The following NRXN3 variants were observed in gnomAD, a reference collection of about 807,000 sequenced individuals.
NRXN3 encodes neurexin 3.
Under a neutral mutation model 137.6 loss-of-function variants are expected in NRXN3, and 32 were observed. The ratio of observed to expected loss-of-function variants is 0.23; its 90% CI spans 0.18 to 0.31. The LOEUF (loss-of-function observed/expected upper bound fraction) is 0.31, where lower values mean the gene tolerates loss of function less well. NRXN3 is among the 10% of genes least tolerant of loss of function. The pLI is 1.00. For synonymous variants in NRXN3, 798 were observed against 784.5 expected, an observed-to-expected ratio of 1.02 and a Z score of -0.29; for missense variants, 1,574 against 2,062.5, an observed-to-expected ratio of 0.76 and a Z score of 4.59.
intron 19 of NRXN3, among the ~76,000 whole-genome samples, chr14:79,707,719 G>C (rs890338351): frequency 2.0e-5 from 3 of 151,918 alleles, no homozygotes; most frequent in African/African-American, 7.3e-5. Flanking sequence ...AGCTTCCTTG[G>C]GCCTATGCTC....
At chr14:78,861,054 T>C (rs1316432488) in intron 10 of NRXN3, among the ~76,000 whole-genome samples, 5 of 151,698 alleles carry the variant, frequency 3.3e-5, no homozygotes, top group Non-Finnish European at 7.4e-5. Context: ...TCGTTATATA[T>C]GTGTATCATG....
At chr14:78,940,260 T>A (rs2099350497) in intron 10 of NRXN3, among the ~76,000 whole-genome samples, 1 of 152,208 alleles carries the variant, frequency 6.6e-6, no homozygotes, top group African/African-American at 2.4e-5. Flanking sequence ...GCACATTCAT[T>A]AAAAAGCATA....
chr14:79,826,804 TC>T (rs1421181934), intron 20 of NRXN3, among the ~76,000 whole-genome samples: 1 of 152,196 alleles, frequency 6.6e-6, no homozygotes, highest in African/African-American at 2.4e-5. Context: ...TTATTTTATT[TC>T]CCCATTTGTT....
intron 4 of NRXN3, among the ~76,000 whole-genome samples, chr14:78,370,155 C>T (rs1168908522): frequency 6.6e-6 from 1 of 152,124 alleles, no homozygotes; most frequent in Non-Finnish European, 1.5e-5. Context: ...CTCCCCTTGT[C>T]TCCTCACACA....
At chr14:78,408,436 A>AT (rs1231152938) in intron 4 of NRXN3, among the ~76,000 whole-genome samples, 1 of 152,246 alleles carries the variant, frequency 6.6e-6, no homozygotes, top group Non-Finnish European at 1.5e-5. Context: ...GGGAGTCCAC[A>AT]TATAAGAGAA....
intron 19 of NRXN3, among the ~76,000 whole-genome samples, chr14:79,755,704 C>T (rs2099017098): frequency 6.6e-6 from 1 of 152,082 alleles, no homozygotes; most frequent in African/African-American, 2.4e-5. Context: ...ACTTGCATGG[C>T]TCTGTGTAGC....
intron 8 of NRXN3, among the ~76,000 whole-genome samples, chr14:78,735,226 C>T (rs549720925): frequency 1.3e-5 from 2 of 152,266 alleles, no homozygotes; most frequent in South Asian, 4.1e-4. Context: ...CAAAACAATT[C>T]TTGTAAGAGA....
rs1190678451 is a variant in NRXN3 at position 79,865,206 on chromosome 14, T to C, written c.*3242T>C. On this transcript the variant is annotated 3_prime_UTR_variant, in exon 21 of 21. Coordinates refer to ENST00000335750, the MANE Select transcript of NRXN3 (RefSeq NM_001330195.2). ...CCAAGCCTCCCACCATATTAAAATT[T>C]AAAATTAAAAAACAGAATCCAAAAC... The C allele has an allele frequency of 6.6e-6, 1 of 152,232 alleles. No individual in the cohort carries two copies. The highest frequency in any genetic ancestry group is 1.5e-5 in the Non-Finnish European group (1 of 68,044). The allele number at this position is 152,232 out of a possible 1,614,324, so 9.4% of individuals were successfully genotyped here.
intron 10 of NRXN3, among the ~76,000 whole-genome samples, chr14:78,851,078 AAT>A (rs2099041233): frequency 6.6e-6 from 1 of 152,202 alleles, no homozygotes; most frequent in Non-Finnish European, 1.5e-5. Flanking sequence ...AGTTAGGAGA[AAT>A]ATGAAGTAGG....
chr14:78,803,885 T>G, intron 9 of NRXN3, 62 bp downstream of exon 9: 1 of 1,455,412 alleles, frequency 6.9e-7, no homozygotes, highest in South Asian at 1.2e-5. Context: ...TTTTCTGATT[T>G]TCATTGGTTT....
chr14:78,302,537 TCCA>T (rs1206097547), intron 4 of NRXN3, among the ~76,000 whole-genome samples: 1 of 152,152 alleles, frequency 6.6e-6, no homozygotes, highest in Non-Finnish European at 1.5e-5. Flanking sequence ...AAGGGTGACC[TCCA>T]CGTTTAAGCC....
At chr14:79,115,335 A>AAG (rs1568331757) in intron 15 of NRXN3, among the ~76,000 whole-genome samples, 1 of 151,492 alleles carries the variant, frequency 6.6e-6, no homozygotes, top group African/African-American at 2.4e-5. Context: ...CAAAAAAAAA[A>AAG]AAAAAAGAAA....
chr14:78,681,370 C>T (rs1280105830), intron 6 of NRXN3, among the ~76,000 whole-genome samples: 1 of 152,140 alleles, frequency 6.6e-6, no homozygotes, highest in East Asian at 1.9e-4. Context: ...ACCCTTATCC[C>T]TATAGGCACA....
chr14:79,471,635 T>G (rs1475439885), intron 16 of NRXN3, among the ~76,000 whole-genome samples: 7 of 152,182 alleles, frequency 4.6e-5, no homozygotes, highest in Non-Finnish European at 1.0e-4. Context: ...TGACAGAATT[T>G]AAGTTTTGAT....
At chr14:79,363,015 T>C (rs1009294693) in intron 15 of NRXN3, among the ~76,000 whole-genome samples, 1 of 152,010 alleles carries the variant, frequency 6.6e-6, no homozygotes, top group South Asian at 2.1e-4. Context: ...TTTTTTTTTT[T>C]TTTTTTGAGT....
rs183291562 is a variant in NRXN3 at position 78,243,307 on chromosome 14, G to A, written c.214G>A (p.Val72Ile). 237 of 1,559,244 alleles carry A rather than the reference G, an allele frequency of 1.5e-4. No homozygotes were observed. Among genetic ancestry groups the A allele is most frequent in the Admixed American group, 2.8e-4 (15 of 54,002 alleles). The change falls in exon 2 of 21, where the codon GTC (valine) becomes ATC (isoleucine). Residue 72 changes from valine to isoleucine, a missense_variant. Transcript: ENST00000335750. This position sits in a 1 kb window ranked among gnomAD's most constrained non-coding sequence, Gnocchi z 4.2. ...GCTCCTCTACCTGGATGATGGCGGC[G>A]TCTGCGACTTCCTATGCCTCTCCCT... is the stretch of plus-strand genomic sequence containing the variant. ...GLLLYLDDGG[V>I]CDFLCLSLVD...
At chr14:78,585,338 T>C (rs1222183440) in intron 4 of NRXN3, among the ~76,000 whole-genome samples, 1 of 151,836 alleles carries the variant, frequency 6.6e-6, no homozygotes, top group Non-Finnish European at 1.5e-5. Flanking sequence ...GTGTGGCTAG[T>C]ACAGAGGGAG....
At position 79,314,307 on chromosome 14, in the gene NRXN3, C is replaced by T. The variant is rs368546138; in HGVS notation, c.3263-152914C>T. Among the ~76,000 whole-genome samples, 199 of 106,266 alleles carry T rather than the reference C, an allele frequency of 1.9e-3. 2 individuals carry two copies. The South Asian group carries it at 0.03, about 16-fold the overall frequency. 69.7% of individuals were successfully genotyped at this position (106,266 alleles called of 152,430 possible). Reference sequence around the variant, plus strand: ...CCGAGTCAAAGAAAGGGGTGACGGACGCACCTGGAAAATCGGGTCACTCCC... The same window carrying T: ...CCGAGTCAAAGAAAGGGGTGACGGATGCACCTGGAAAATCGGGTCACTCCC... On this transcript the variant is annotated intron_variant, in intron 15 of 20. Coordinates refer to ENST00000335750, the MANE Select transcript of NRXN3 (RefSeq NM_001330195.2).
At chr14:79,669,788 C>T (rs186327019) in intron 17 of NRXN3, among the ~76,000 whole-genome samples, 1 of 152,032 alleles carries the variant, frequency 6.6e-6, no homozygotes. Flanking sequence ...GGCACCACCC[C>T]GTACCTGCAA....
Sources: gnomAD v4.1 joint callset for allele counts (sites outside exome capture counted in the v4.1 genomes callset) on GRCh38, gnomAD v4.1.1 for gene constraint, Gnocchi (gnomAD v3.1) non-coding constraint, MANE v1.5 for transcripts, NCBI Gene and HGNC (gene_info 2026-07-23, HGNC 2026-07-21) for gene names.